CNTNAP4: variants seen among roughly 807,000 people sequenced by gnomAD.
CNTNAP4 encodes contactin-associated protein-like 4.
A neutral mutation model predicts 148.4 loss-of-function variants in CNTNAP4; 98 were observed. The observed-to-expected ratio is 0.66, with a 90% CI of 0.56 to 0.78. The LOEUF (loss-of-function observed/expected upper bound fraction) is 0.78. Among genes scored for constraint, CNTNAP4 ranks in the 30% least tolerant of loss-of-function variants. The pLI, the probability that CNTNAP4 is intolerant of heterozygous loss-of-function variation, is 0.00. For missense variants in CNTNAP4, 1,935 were observed against 1,565.6 expected, an observed-to-expected ratio of 1.24 and a Z score of -3.98; for synonymous variants, 730 against 565.1, an observed-to-expected ratio of 1.29 and a Z score of -4.14.
chr16:76,500,420 C>T (rs559096610), intron 15 of CNTNAP4, among the ~76,000 whole-genome samples: 40 of 152,352 alleles, frequency 2.6e-4, no homozygotes, highest in South Asian at 1.2e-3. Flanking sequence ...TTGATTAGTT[C>T]ATGAGTACAT....
intron 3 of CNTNAP4, among the ~76,000 whole-genome samples, chr16:76,419,673 T>C (rs1286755331): frequency 6.6e-6 from 1 of 152,068 alleles, no homozygotes; most frequent in Non-Finnish European, 1.5e-5. Flanking sequence ...TGGTGTGTCA[T>C]GTGTACTAGC....
At chr16:76,514,943 A>T (rs1457743097) in intron 15 of CNTNAP4, among the ~76,000 whole-genome samples, 1 of 152,208 alleles carries the variant, frequency 6.6e-6, no homozygotes, top group Non-Finnish European at 1.5e-5. Context: ...GCATTTCAAC[A>T]TTTAAAGCAT....
rs747754575 is a variant in CNTNAP4 at position 76,535,496 on chromosome 16, G to A, written c.2756-49G>A. The A allele has an allele frequency of 3.8e-6, 6 of 1,596,306 alleles. No homozygotes were observed. In the Admixed American group the frequency reaches 1.0e-4, roughly 27 times the overall value. On this transcript the variant is annotated intron_variant, in intron 17 of 23. Coordinates refer to ENST00000611870, the MANE Select transcript of CNTNAP4 (RefSeq NM_033401.5). ...CAGTTTTGTTTGGTCTTTAAACCCT[G>A]AATAAAACACCTAGGAACATGTTTC...
chr16:76,475,927 A>G lies in CNTNAP4; in HGVS notation c.1656-12A>G. On this transcript the variant is annotated splice_polypyrimidine_tract_variant and intron_variant, in intron 10 of 23. Transcript: ENST00000611870. ...AATGGAAACTGGTGATTGTATCTGC[A>G]CCTTCTTTTAGGTGTTTGCCCAACT... 6.3e-7 allele frequency: 1 copy of G among 1,596,368 alleles called. No homozygotes were observed. Among genetic ancestry groups the G allele is most frequent in the Non-Finnish European group, 8.6e-7 (1 of 1,164,046 alleles).
intron 23 of CNTNAP4, chr16:76,557,463 T>C (rs964353684): frequency 6.6e-6 from 1 of 152,202 alleles, no homozygotes; most frequent in Non-Finnish European, 1.5e-5. Context: ...AGAAGTACTT[T>C]ATTTCTGTTT....
intron 12 of CNTNAP4, among the ~76,000 whole-genome samples, chr16:76,480,810 T>C (rs1465700116): frequency 6.6e-6 from 1 of 152,200 alleles, no homozygotes; most frequent in Non-Finnish European, 1.5e-5. Context: ...AAACTAGATA[T>C]TGATTCCGTG....
intron 2 of CNTNAP4, among the ~76,000 whole-genome samples, chr16:76,337,954 A>T (rs551797332): frequency 5.9e-5 from 9 of 152,144 alleles, no homozygotes; most frequent in African/African-American, 1.9e-4. Flanking sequence ...CTGTTGTTCT[A>T]TTCTTTTTCA....
At chr16:76,425,816 A>G (rs1172493033) in intron 3 of CNTNAP4, among the ~76,000 whole-genome samples, 1 of 152,196 alleles carries the variant, frequency 6.6e-6, no homozygotes, top group Non-Finnish European at 1.5e-5. Flanking sequence ...AGTGGTTGCT[A>G]AAGACTGTGT....
chr16:76,362,884 G>T lies in CNTNAP4; in HGVS notation c.390+7373G>T, dbSNP rs372970658. Among the ~76,000 whole-genome samples, 81 of 152,188 alleles carry T rather than the reference G, an allele frequency of 5.3e-4. 2 individuals are homozygous for T. The South Asian group carries it at 0.015, about 28-fold the overall frequency. On this transcript the variant is annotated intron_variant, in intron 3 of 23. Transcript: ENST00000611870. ...TTGCCTATATAACAAACCTGCACAT[G>T]TATGCCTGAACCTAAAATAGAAGTT...
intron 14 of CNTNAP4, among the ~76,000 whole-genome samples, chr16:76,498,302 G>T (rs1221432480): frequency 6.6e-6 from 1 of 152,176 alleles, no homozygotes; most frequent in African/African-American, 2.4e-5. Flanking sequence ...TGAGGCACAA[G>T]AATGGATTTA....
intron 3 of CNTNAP4, among the ~76,000 whole-genome samples, chr16:76,407,566 C>T (rs1157568226): frequency 3.9e-5 from 6 of 151,920 alleles, no homozygotes; most frequent in African/African-American, 2.4e-5. Context: ...GAAGGAACTG[C>T]GGATGTGGTG....
chr16:76,322,285 A>G (rs537596409), intron 2 of CNTNAP4, among the ~76,000 whole-genome samples: 1 of 152,274 alleles, frequency 6.6e-6, no homozygotes, highest in East Asian at 1.9e-4. Flanking sequence ...TCTTAAATCC[A>G]TAGGTGTACA....
chr16:76,402,164 G>A lies in CNTNAP4; in HGVS notation c.391-25288G>A, dbSNP rs146857026. On this transcript the variant is annotated intron_variant, in intron 3 of 23. Transcript: ENST00000611870. ...TCTGGTAGAATTGAGCTGTGAATCC[G>A]TCTGGCCCTTTTTGGTCGGTAGGCT... 3.0e-4 allele frequency among the ~76,000 whole-genome samples: 45 copies of A among 152,168 alleles called. No homozygotes were observed. The East Asian group carries it at 8.1e-3, about 27-fold the overall frequency.
At chr16:76,409,997 T>C (rs1256362963) in intron 3 of CNTNAP4, among the ~76,000 whole-genome samples, 2 of 151,890 alleles carry the variant, frequency 1.3e-5, no homozygotes, top group Non-Finnish European at 2.9e-5. Context: ...AAGTAAGTAT[T>C]CTTATCTCCA....
intron 4 of CNTNAP4, among the ~76,000 whole-genome samples, chr16:76,440,694 T>G (rs2080002375): frequency 6.6e-6 from 1 of 152,146 alleles, no homozygotes; most frequent in South Asian, 2.1e-4. Context: ...CCAGAGATTC[T>G]AATTTGGTGA....
intron 4 of CNTNAP4, among the ~76,000 whole-genome samples, chr16:76,429,757 T>A (rs1416311619): frequency 2.0e-5 from 3 of 152,174 alleles, no homozygotes; most frequent in Admixed American, 2.0e-4. Flanking sequence ...TGCAGCTCTC[T>A]GGAATGTTCT....
chr16:76,413,563 TA>T lies in CNTNAP4; in HGVS notation c.391-13879del, dbSNP rs71134757. ...TAACATTATAAGACTTAATATCCAG[TA>T]AAAAAAAAACCCTCCAACTTTGTTT... On this transcript the variant is annotated intron_variant, in intron 3 of 23. Coordinates refer to ENST00000611870, the MANE Select transcript of CNTNAP4 (RefSeq NM_033401.5). 6.2e-5 allele frequency among the ~76,000 whole-genome samples: 9 copies of T among 146,312 alleles called. No homozygotes were observed. The East Asian group carries it at 8.0e-4, about 13-fold the overall frequency.
At chr16:76,443,104 C>T (rs1210612086) in intron 4 of CNTNAP4, among the ~76,000 whole-genome samples, 2 of 151,724 alleles carry the variant, frequency 1.3e-5, no homozygotes, top group Non-Finnish European at 2.9e-5. Context: ...CGATAATAAC[C>T]CAATCATTTA....
rs151315964 is a variant in CNTNAP4 at position 76,452,693 on chromosome 16, C to G, written c.1257C>G (p.Ile419Met). ...FSELQLISGG[I>M]LLFLSDGKLK... ...AACTTCAGCTGATTTCAGGGGGTATCCTCCTCTTTCTGAGTGATGGAAAAC... is the reference window on the plus strand; with the variant it reads ...AACTTCAGCTGATTTCAGGGGGTATGCTCCTCTTTCTGAGTGATGGAAAAC... Residue 419 changes from isoleucine to methionine, a missense_variant, in exon 8 of 24, where the codon ATC becomes ATG. Coordinates refer to ENST00000611870, the MANE Select transcript of CNTNAP4 (RefSeq NM_033401.5). 9 of 1,613,274 alleles carry G rather than the reference C, an allele frequency of 5.6e-6. No homozygotes were observed. The African/African-American group carries it at 9.3e-5, about 17-fold the overall frequency.
Sources: gnomAD v4.1 joint callset for allele counts (sites outside exome capture counted in the v4.1 genomes callset) on GRCh38, gnomAD v4.1.1 for gene constraint, MANE v1.5 for transcripts, NCBI Gene and HGNC (gene_info 2026-07-23, HGNC 2026-07-21) for gene names.